ANKS1B: variants seen among roughly 807,000 people sequenced by gnomAD.
The protein encoded by ANKS1B is ankyrin repeat and sterile alpha motif domain containing 1B.
ANKS1B carries 36 observed loss-of-function variants against 148.3 expected under a neutral mutation model. The observed-to-expected ratio is 0.24, with a 90% CI of 0.19 to 0.32. The LOEUF (loss-of-function observed/expected upper bound fraction) is 0.32, where lower values mean the gene tolerates loss of function less well. Among genes scored for constraint, ANKS1B ranks in the 10% least tolerant of loss-of-function variants. The pLI, the probability that ANKS1B is intolerant of heterozygous loss-of-function variation, is 1.00. For missense variants in ANKS1B, 1,157 were observed against 1,542.6 expected (o/e 0.75, Z 4.19); for synonymous variants, 542 against 560.8 (o/e 0.97, Z 0.47).
intron 25 of ANKS1B, among the ~76,000 whole-genome samples, chr12:98,760,948 G>A (rs1382775341): frequency 6.6e-6 from 1 of 152,172 alleles, no homozygotes; most frequent in Non-Finnish European, 1.5e-5. Context: ...ATAAAGCAGT[G>A]GCAGCAGCAA....
chr12:99,073,786 C>A (rs2046997967), intron 16 of ANKS1B, among the ~76,000 whole-genome samples: 1 of 152,184 alleles, frequency 6.6e-6, no homozygotes, highest in South Asian at 2.1e-4. Context: ...CATTTCCTGT[C>A]CCTTTTCAGT....
intron 1 of ANKS1B, among the ~76,000 whole-genome samples, chr12:99,857,171 T>G (rs901413754): frequency 6.6e-6 from 1 of 152,116 alleles, no homozygotes; most frequent in Non-Finnish European, 1.5e-5. Context: ...AACTGGTAAA[T>G]GAATTCAGCA....
At chr12:99,129,364 A>C (rs1382665493) in intron 15 of ANKS1B, among the ~76,000 whole-genome samples, 1 of 152,200 alleles carries the variant, frequency 6.6e-6, no homozygotes, top group Non-Finnish European at 1.5e-5. Context: ...GAAATGTGAC[A>C]TGTAGCATGG....
intron 10 of ANKS1B, among the ~76,000 whole-genome samples, chr12:99,494,688 G>C (rs890766868): frequency 1.5e-5 from 2 of 134,838 alleles, no homozygotes; most frequent in Admixed American, 1.6e-4. Context: ...AGCCGAGATC[G>C]TGCCCCTGCA....
At chr12:99,597,687 T>C (rs1270618738) in intron 9 of ANKS1B, among the ~76,000 whole-genome samples, 3 of 152,006 alleles carry the variant, frequency 2.0e-5, no homozygotes, top group Admixed American at 1.3e-4. Flanking sequence ...AAAATGTTTA[T>C]TATCAAATCA....
chr12:99,569,564 G>T (rs573308648), intron 9 of ANKS1B, among the ~76,000 whole-genome samples: 1 of 152,334 alleles, frequency 6.6e-6, no homozygotes, highest in Non-Finnish European at 1.5e-5. Flanking sequence ...GTTTGTAGTG[G>T]ATGCTCTGTT....
chr12:99,194,654 A>G (rs1190166317), intron 14 of ANKS1B, among the ~76,000 whole-genome samples: 1 of 152,182 alleles, frequency 6.6e-6, no homozygotes, highest in African/African-American at 2.4e-5. Flanking sequence ...AAAATAAATT[A>G]TAAAACAACT....
intron 9 of ANKS1B, among the ~76,000 whole-genome samples, chr12:99,552,404 AT>A (rs2153170785): frequency 6.6e-6 from 1 of 152,308 alleles, no homozygotes; most frequent in East Asian, 1.9e-4. Context: ...TTCCAATTAG[AT>A]TTTAAGCAAA....
At chr12:99,789,285 A>T (rs2153641523) in intron 4 of ANKS1B, among the ~76,000 whole-genome samples, 1 of 152,196 alleles carries the variant, frequency 6.6e-6, no homozygotes, top group Non-Finnish European at 1.5e-5. Context: ...GTCTGCAAAA[A>T]CCACAGTGTT....
intron 9 of ANKS1B, among the ~76,000 whole-genome samples, chr12:99,564,054 T>C (rs1418454702): frequency 6.6e-6 from 1 of 152,188 alleles, no homozygotes; most frequent in African/African-American, 2.4e-5. Flanking sequence ...TCTCTAGAGA[T>C]GAAAATTTGG....
chr12:99,822,731 A>T (rs1295704013), intron 2 of ANKS1B, among the ~76,000 whole-genome samples: 1 of 152,154 alleles, frequency 6.6e-6, no homozygotes, highest in Admixed American at 6.5e-5. Flanking sequence ...GCTATTGTGA[A>T]TAGTGCTGCA....
intron 14 of ANKS1B, among the ~76,000 whole-genome samples, chr12:99,191,732 T>C (rs1253821818): frequency 6.6e-6 from 1 of 152,016 alleles, no homozygotes. Flanking sequence ...TTAGGAGAAA[T>C]ACCTAATGTA....
chr12:99,769,776 A>G (rs540644592), intron 8 of ANKS1B, among the ~76,000 whole-genome samples: 2 of 152,348 alleles, frequency 1.3e-5, no homozygotes, highest in African/African-American at 4.8e-5. Context: ...AAATTGAGGT[A>G]TTATCATTAC....
chr12:99,484,415 A>C (rs1337294635), intron 10 of ANKS1B, among the ~76,000 whole-genome samples: 2 of 151,928 alleles, frequency 1.3e-5, no homozygotes, highest in Non-Finnish European at 2.9e-5. Context: ...GGCCTGTCAT[A>C]TGGTCTATCT....
intron 9 of ANKS1B, among the ~76,000 whole-genome samples, chr12:99,510,313 T>G (rs1241163824): frequency 6.6e-6 from 1 of 152,014 alleles, no homozygotes; most frequent in Non-Finnish European, 1.5e-5. Context: ...GTGATTCCTC[T>G]GATGAAACTG....
chr12:99,350,281 C>G (rs1348511814), intron 12 of ANKS1B, among the ~76,000 whole-genome samples: 2 of 151,960 alleles, frequency 1.3e-5, no homozygotes, highest in Non-Finnish European at 2.9e-5. Flanking sequence ...TCCTGTACAG[C>G]CTGTGGAACC....
intron 1 of ANKS1B, among the ~76,000 whole-genome samples, chr12:99,926,511 CT>C (rs2094480283): frequency 6.6e-6 from 1 of 152,170 alleles, no homozygotes; most frequent in African/African-American, 2.4e-5. Flanking sequence ...TGCCTTCTGA[CT>C]TGAACTGAAA....
At chr12:99,897,955 A>C (rs2093444571) in intron 1 of ANKS1B, among the ~76,000 whole-genome samples, 1 of 151,874 alleles carries the variant, frequency 6.6e-6, no homozygotes, top group African/African-American at 2.4e-5. Context: ...AAGTAGGTGA[A>C]ACTTACACTG....
intron 8 of ANKS1B, among the ~76,000 whole-genome samples, chr12:99,762,468 C>A (rs1273457065): frequency 1.3e-5 from 2 of 151,890 alleles, no homozygotes; most frequent in African/African-American, 4.8e-5. Context: ...TGCTGGGATA[C>A]CTGGCTAGCC....
Sources: gnomAD v4.1 joint callset for allele counts (sites outside exome capture counted in the v4.1 genomes callset) on GRCh38, gnomAD v4.1.1 for gene constraint, MANE v1.5 for transcripts, NCBI Gene and HGNC (gene_info 2026-07-23, HGNC 2026-07-21) for gene names.